Variants in PCDHGA1 observed in about 807,000 individuals in gnomAD.
PCDHGA1 encodes the protein protocadherin gamma-A1.
Under a neutral mutation model 58.0 loss-of-function variants are expected in PCDHGA1, and 32 were observed. The observed-to-expected ratio is 0.55, with a 90% CI of 0.42 to 0.74. The LOEUF (loss-of-function observed/expected upper bound fraction) is 0.74, where lower values mean the gene tolerates loss of function less well. PCDHGA1 is among the 30% of genes least tolerant of loss of function. The pLI is 0.00. For synonymous variants in PCDHGA1, 498 were observed against 501.1 expected, an observed-to-expected ratio of 0.99 and a Z score of 0.08; for missense variants, 1,205 against 1,182.3, an observed-to-expected ratio of 1.02 and a Z score of -0.28.
At position 141,346,515 on chromosome 5, in the gene PCDHGA1, A is replaced by G. The variant is rs1302311173; in HGVS notation, c.2421+13410A>G. 5.0e-6 allele frequency: 8 copies of G among 1,601,932 alleles called. 1 individual carries two copies. In the South Asian group the frequency reaches 8.9e-5, roughly 18 times the overall value. On this transcript the variant is annotated intron_variant, in intron 1 of 3. Transcript: ENST00000517417. Reference sequence around the variant, plus strand: ...CAAATATGAGAATGTGGTTATTATAAAGCTTTAACACATATGTATTTGAGA... The same window carrying G: ...CAAATATGAGAATGTGGTTATTATAGAGCTTTAACACATATGTATTTGAGA...
intron 1 of PCDHGA1, among the ~76,000 whole-genome samples, chr5:141,455,860 ATTATTTATTTAT>A (rs145569377): frequency 0.023 from 3,231 of 139,812 alleles, 82 homozygotes; most frequent in African/African-American, 0.066. Context: ...AATTTCTTTT[ATTATTTATTTAT>A]TTATTTATTT....
intron 1 of PCDHGA1, chr5:141,362,464 G>T: frequency 1.9e-6 from 3 of 1,614,038 alleles, no homozygotes; most frequent in Middle Eastern, 3.3e-4. Context: ...ATTGGTTCCC[G>T]CGCAAGATCT....
At chr5:141,413,151 T>C (rs1192899612) in intron 1 of PCDHGA1, 5 of 1,573,560 alleles carry the variant, frequency 3.2e-6, no homozygotes, top group South Asian at 1.2e-5. Context: ...GTGAGGACTT[T>C]GCAGAATTCT....
chr5:141,481,691 C>T (rs929210528), intron 1 of PCDHGA1, among the ~76,000 whole-genome samples: 7 of 152,080 alleles, frequency 4.6e-5, no homozygotes, highest in African/African-American at 1.4e-4. Flanking sequence ...TGGTGGCTCA[C>T]GCCTGTAATC....
At chr5:141,422,307 C>T in intron 1 of PCDHGA1, 4 of 1,547,552 alleles carry the variant, frequency 2.6e-6, no homozygotes, top group South Asian at 1.3e-5. Flanking sequence ...TTCTGGAAAA[C>T]TCTCCTCCAG....
chr5:141,453,560 G>A (rs1230229107), intron 1 of PCDHGA1, among the ~76,000 whole-genome samples: 3 of 151,968 alleles, frequency 2.0e-5, no homozygotes, highest in Admixed American at 6.6e-5. Flanking sequence ...GTAGATAATC[G>A]ATTTCATTAG....
In PCDHGA1 at chr5:141,432,688, A is replaced by T; in HGVS notation, c.2422-62119A>T. 1 of 1,613,896 alleles carries T rather than the reference A, an allele frequency of 6.2e-7. No homozygotes were observed. The highest frequency in any genetic ancestry group is 1.1e-5 in the South Asian group (1 of 91,078). ...GAGACGCGCTCAAGCAGAGCCTCGTAGTGGCCGTCCAGGACCACGGCCAGC... is the reference window on the plus strand; with the variant it reads ...GAGACGCGCTCAAGCAGAGCCTCGTTGTGGCCGTCCAGGACCACGGCCAGC... On this transcript the variant is annotated intron_variant, in intron 1 of 3. Transcript: ENST00000517417. This position sits in a 1 kb window ranked among gnomAD's most constrained non-coding sequence, Gnocchi z 6.0.
intron 1 of PCDHGA1, chr5:141,440,534 C>A (rs562736984): frequency 1.3e-5 from 2 of 152,188 alleles, no homozygotes; most frequent in East Asian, 3.9e-4. Flanking sequence ...TCATGCACCA[C>A]GGTTCAGCAG....
Position 141,365,034 on chromosome 5 carries a change from C to T in PCDHGA1, c.2421+31929C>T, listed in dbSNP as rs759635927. The T allele has an allele frequency of 8.7e-6, 14 of 1,613,758 alleles. No homozygotes were observed. The African/African-American group carries it at 1.7e-4, about 20-fold the overall frequency. ...CACATCCGTGTTACGGTCCTCGACGCAAACGACAATGCGCCCCTGTTCACC... is the reference window on the plus strand; with the variant it reads ...CACATCCGTGTTACGGTCCTCGACGTAAACGACAATGCGCCCCTGTTCACC... On this transcript the variant is annotated intron_variant, in intron 1 of 3. Coordinates refer to ENST00000517417, the MANE Select transcript of PCDHGA1 (RefSeq NM_018912.3).
chr5:141,331,291 G>A lies in PCDHGA1; in HGVS notation c.607G>A (p.Glu203Lys). ...EMVLQSPLDR[E>K]EEAVHHLILT... Reference sequence around the variant, plus strand: ...GGTGCTGCAGAGTCCCTTAGACAGAGAAGAAGAAGCTGTCCACCACCTCAT... The same window carrying A: ...GGTGCTGCAGAGTCCCTTAGACAGAAAAGAAGAAGCTGTCCACCACCTCAT... Residue 203 changes from glutamate (E) to lysine (K), a missense_variant, in exon 1 of 4, where the codon GAA (glutamate) becomes AAA (lysine). Transcript: ENST00000517417. The A allele has an allele frequency of 6.2e-7, 1 of 1,614,088 alleles. No homozygotes were observed.
intron 1 of PCDHGA1, among the ~76,000 whole-genome samples, chr5:141,373,008 C>T (rs1031800528): frequency 6.6e-6 from 1 of 152,074 alleles, no homozygotes; most frequent in Non-Finnish European, 1.5e-5. Flanking sequence ...CATAGAAAGC[C>T]TCCTTTTGAT....
Position 141,330,849 on chromosome 5 carries a change from A to G in PCDHGA1, c.165A>G (p.Gln55=), listed in dbSNP as rs1244310020. The G allele has an allele frequency of 6.2e-7, 1 of 1,613,990 alleles. No homozygotes were observed. Among genetic ancestry groups the G allele is most frequent in the Non-Finnish European group, 8.5e-7 (1 of 1,180,030 alleles). ...ACATCGCCAAGGACCTAGGGCTGCA[A>G]CCCCAGGAGCTGGCAGATGGCGGAG... ...VGNIAKDLGL[Q]PQELADGGVR... The change falls in exon 1 of 4, where the codon CAA becomes CAG. Residue 55 remains glutamine (Q), a synonymous_variant. Transcript: ENST00000517417.
At chr5:141,412,934 G>A (rs1232539262) in intron 1 of PCDHGA1, 1 of 453,932 alleles carries the variant, frequency 2.2e-6, no homozygotes, top group African/African-American at 2.0e-5. Context: ...TAACTTCTTA[G>A]GACTCTGAGC....
intron 1 of PCDHGA1, chr5:141,409,281 C>A (rs1238898498): frequency 6.2e-7 from 1 of 1,613,874 alleles, no homozygotes; most frequent in Non-Finnish European, 8.5e-7. Flanking sequence ...TTGGAGAATT[C>A]ACCTCCAGGA....
At chr5:141,393,609 G>A (rs1428368601) in intron 1 of PCDHGA1, 2 of 1,613,940 alleles carry the variant, frequency 1.2e-6, no homozygotes, top group South Asian at 2.2e-5. Context: ...TACTGTAACA[G>A]CCAGCGACCC....
At chr5:141,421,320 G>C (rs1561793188) in intron 1 of PCDHGA1, 1 of 1,613,904 alleles carries the variant, frequency 6.2e-7, no homozygotes, top group East Asian at 2.2e-5. Flanking sequence ...GGGCCAGGCA[G>C]ATCCGATATT....
chr5:141,395,655 A>G (rs1302159911), intron 1 of PCDHGA1: 1 of 164,294 alleles, frequency 6.1e-6, no homozygotes, highest in East Asian at 1.8e-4. Context: ...GCTTAGCAAA[A>G]GTAAAATATA....
In PCDHGA1 at chr5:141,413,613, TA is replaced by T. The variant is rs2095659138; in HGVS notation, c.2421+80510del. The T allele has an allele frequency of 4.3e-6, 7 of 1,613,714 alleles. No individual in the cohort carries two copies. The East Asian group carries it at 1.6e-4, about 36-fold the overall frequency. On this transcript the variant is annotated intron_variant, in intron 1 of 3. Transcript: ENST00000517417. Reference sequence around the variant, plus strand: ...AAGCAGAAAATCTAGACGTAAAAATTAATGAAAATGTCGCTGCGGGAATGCG... The same window carrying T: ...AAGCAGAAAATCTAGACGTAAAAATTATGAAAATGTCGCTGCGGGAATGCG...
At chr5:141,464,134 G>A (rs1270558696) in intron 1 of PCDHGA1, among the ~76,000 whole-genome samples, 1 of 151,944 alleles carries the variant, frequency 6.6e-6, no homozygotes, top group Admixed American at 6.6e-5. Context: ...GTGTGGTGGT[G>A]GGCGCCTGTA....
Sources: gnomAD v4.1 joint callset for allele counts (sites outside exome capture counted in the v4.1 genomes callset) on GRCh38, gnomAD v4.1.1 for gene constraint, Gnocchi (gnomAD v3.1) non-coding constraint, MANE v1.5 for transcripts, NCBI Gene and HGNC (gene_info 2026-07-23, HGNC 2026-07-21) for gene names.